SNX29: variants seen among roughly 807,000 people sequenced by gnomAD.
SNX29 encodes sorting nexin 29.
Under a neutral mutation model 102.1 loss-of-function variants are expected in SNX29, and 78 were observed. The observed-to-expected ratio is 0.76, with a 90% CI of 0.64 to 0.92. The LOEUF is 0.92. Ranked by LOEUF, SNX29 falls within the 40% of genes least tolerant of loss-of-function variation. The pLI, the probability that SNX29 is intolerant of heterozygous loss-of-function variation, is 0.00. For synonymous variants in SNX29, 580 were observed against 414.5 expected (o/e 1.40, Z -4.85); for missense variants, 1,280 against 1,061.7 (o/e 1.21, Z -2.86).
intron 14 of SNX29, among the ~76,000 whole-genome samples, chr16:12,235,723 C>A (rs541765786): frequency 6.6e-6 from 1 of 151,960 alleles, no homozygotes; most frequent in Non-Finnish European, 1.5e-5. Flanking sequence ...AAGGAAACTT[C>A]ATCAGTGTTT....
At position 12,568,566 on chromosome 16, in the gene SNX29, C is replaced by A; in HGVS notation, c.2379C>A (p.Pro793=). The change falls in exon 21 of 21, where the codon CCC becomes CCA. Residue 793 remains proline (P), a synonymous_variant. Transcript: ENST00000566228. ...NSRPKAASRF[P]KLSRGQPRET... ...GGCCCAAAGCAGCTTCCCGCTTCCC[C>A]AAACTGTCCCGGGGTCAGCCCCGGG... 1 of 1,608,424 alleles carries A rather than the reference C, an allele frequency of 6.2e-7. No homozygotes were observed. Among genetic ancestry groups the A allele is most frequent in the South Asian group, 1.1e-5 (1 of 91,078 alleles).
intron 15 of SNX29, among the ~76,000 whole-genome samples, chr16:12,278,751 A>G (rs1342514796): frequency 6.6e-6 from 1 of 152,238 alleles, no homozygotes; most frequent in Non-Finnish European, 1.5e-5. Context: ...AGATGTACAA[A>G]AATTCTAGAA....
chr16:12,341,532 C>G (rs1596992990), intron 15 of SNX29, among the ~76,000 whole-genome samples: 2 of 152,242 alleles, frequency 1.3e-5, no homozygotes, highest in East Asian at 1.9e-4. Context: ...AAAATAAAAG[C>G]TTATTTCCTG....
chr16:12,343,000 A>G (rs896059162), intron 15 of SNX29, among the ~76,000 whole-genome samples: 3 of 152,238 alleles, frequency 2.0e-5, no homozygotes, highest in Non-Finnish European at 4.4e-5. Context: ...GAGACTCTCA[A>G]AGGAAAACAA....
intron 15 of SNX29, among the ~76,000 whole-genome samples, chr16:12,288,683 A>G (rs1005640501): frequency 1.3e-5 from 2 of 151,856 alleles, no homozygotes; most frequent in African/African-American, 4.8e-5. Context: ...CTGGGGAAAA[A>G]AAAAAAAAAA....
intron 18 of SNX29, among the ~76,000 whole-genome samples, chr16:12,439,665 C>T (rs1350002267): frequency 6.6e-6 from 1 of 151,768 alleles, no homozygotes; most frequent in African/African-American, 2.4e-5. Context: ...GTCCCTCCCA[C>T]AACATGAAGG....
rs144150485 is a variant in SNX29 at position 12,277,431 on chromosome 16, C to T, written c.1679-502C>T. Among the ~76,000 whole-genome samples the T allele has an allele frequency of 1.5e-3, 227 of 152,176 alleles. 3 individuals carry two copies. The highest frequency in any genetic ancestry group is 0.01 in the Middle Eastern group (3 of 294). On this transcript the variant is annotated intron_variant, in intron 14 of 20. Coordinates refer to ENST00000566228, the MANE Select transcript of SNX29 (RefSeq NM_032167.5). ...AAAAAACAAACAAAACCTCCACCCC[C>T]CAAAACAACCAGCTCTTATGTCTTG...
chr16:12,347,724 T>C (rs1396598416), intron 15 of SNX29, among the ~76,000 whole-genome samples: 1 of 152,060 alleles, frequency 6.6e-6, no homozygotes, highest in Non-Finnish European at 1.5e-5. Context: ...CTTTCATCCC[T>C]TTGTACCTCG....
chr16:12,366,333 C>T (rs74517760), intron 16 of SNX29, among the ~76,000 whole-genome samples: 5,110 of 152,250 alleles, frequency 0.034, 289 homozygotes, highest in African/African-American at 0.12. Context: ...GAATTATTTC[C>T]CTGAGGAACA....
intron 15 of SNX29, among the ~76,000 whole-genome samples, chr16:12,328,784 T>C (rs2081201193): frequency 6.6e-6 from 1 of 152,144 alleles, no homozygotes; most frequent in African/African-American, 2.4e-5. Context: ...TTGCCACAAA[T>C]GCTTCTTTAA....
intron 19 of SNX29, among the ~76,000 whole-genome samples, chr16:12,493,660 C>T (rs1304719681): frequency 6.6e-6 from 1 of 152,186 alleles, no homozygotes; most frequent in African/African-American, 2.4e-5. Flanking sequence ...GGCACGATCT[C>T]GGCTCACTGC....
In SNX29 at chr16:12,568,516, C is replaced by G. The variant is rs138093631; in HGVS notation, c.2329C>G (p.Pro777Ala). ...QLMPFFVDIT[P>A]PGEPVNSRPK... Reference sequence around the variant, plus strand: ...TCCCTGCTCTTTCAGCGACATCACCCCGCCCGGAGAGCCTGTGAACAGCCG... The same window carrying G: ...TCCCTGCTCTTTCAGCGACATCACCGCGCCCGGAGAGCCTGTGAACAGCCG... Residue 777 changes from proline (P) to alanine (A), a missense_variant, in exon 21 of 21, where the codon CCG (proline) becomes GCG (alanine). Transcript: ENST00000566228. 1.2e-6 allele frequency: 2 copies of G among 1,609,968 alleles called. No individual in the cohort carries two copies. Among genetic ancestry groups the G allele is most frequent in the Non-Finnish European group, 1.7e-6 (2 of 1,179,846 alleles).
At chr16:12,380,803 T>A (rs1454877339) in intron 16 of SNX29, among the ~76,000 whole-genome samples, 1 of 34,944 alleles carries the variant, frequency 2.9e-5, no homozygotes, top group African/African-American at 8.8e-5. Flanking sequence ...CCACACACCA[T>A]CCATCCATCC....
chr16:12,040,198 C>G (rs1157374645), intron 4 of SNX29, among the ~76,000 whole-genome samples: 3 of 152,004 alleles, frequency 2.0e-5, no homozygotes, highest in Non-Finnish European at 4.4e-5. Context: ...ATAGCAGAAC[C>G]TCATCTCTAC....
At chr16:12,517,409 C>G (rs1471870285) in intron 19 of SNX29, among the ~76,000 whole-genome samples, 1 of 152,220 alleles carries the variant, frequency 6.6e-6, no homozygotes, top group Non-Finnish European at 1.5e-5. Context: ...CCTGTCTTCA[C>G]TCACTTGCTC....
chr16:12,360,763 A>G (rs182571996), intron 16 of SNX29, among the ~76,000 whole-genome samples: 1 of 151,934 alleles, frequency 6.6e-6, no homozygotes, highest in Admixed American at 6.6e-5. Context: ...TTAAGTAGGT[A>G]GTTAGGAGTT....
Position 12,472,111 on chromosome 16 carries a change from T to C in SNX29, c.2038-5608T>C, listed in dbSNP as rs371247304. 5.9e-5 allele frequency among the ~76,000 whole-genome samples: 9 copies of C among 152,380 alleles called. No individual in the cohort carries two copies. The East Asian group carries it at 9.6e-4, about 16-fold the overall frequency. On this transcript the variant is annotated intron_variant, in intron 18 of 20. Transcript: ENST00000566228. ...CATACAGTGGAATACTATTCATTAG[T>C]GCAAAGCAACATGAGGGCCATACAC...
chr16:12,466,264 A>G (rs1035919431), intron 18 of SNX29, among the ~76,000 whole-genome samples: 6 of 152,204 alleles, frequency 3.9e-5, no homozygotes, highest in Non-Finnish European at 2.9e-5. Flanking sequence ...CACCAAAACA[A>G]AACAAAACCC....
At chr16:12,209,476 C>A (rs2077127749) in intron 14 of SNX29, among the ~76,000 whole-genome samples, 2 of 152,200 alleles carry the variant, frequency 1.3e-5, no homozygotes, top group African/African-American at 4.8e-5. Flanking sequence ...AGGCATGAGC[C>A]ACTGTGCCTG....
Sources: gnomAD v4.1 joint callset for allele counts (sites outside exome capture counted in the v4.1 genomes callset) on GRCh38, gnomAD v4.1.1 for gene constraint, MANE v1.5 for transcripts, NCBI Gene and HGNC (gene_info 2026-07-23, HGNC 2026-07-21) for gene names.